MYCBP2: variants seen among roughly 807,000 people sequenced by gnomAD.
MYCBP2 encodes the protein MYC binding protein 2.
In MYCBP2, 120 loss-of-function variants were observed where a neutral mutation model predicts 525.3. The observed-to-expected ratio is 0.23, with a 90% CI of 0.20 to 0.27. The LOEUF (loss-of-function observed/expected upper bound fraction) is 0.27, where lower values mean the gene tolerates loss of function less well. Ranked by LOEUF, MYCBP2 falls within the 10% of genes least tolerant of loss-of-function variation. MYCBP2 has a pLI of 1.00. For synonymous variants in MYCBP2, 1,894 were observed against 1,955.8 expected (o/e 0.97, Z 0.83); for missense variants, 4,149 against 5,657.1 (o/e 0.73, Z 8.55).
chr13:77,211,373 T>A, intron 22 of MYCBP2, 53 bp from the exon 23 acceptor site: 1 of 957,786 alleles, frequency 1.0e-6, no homozygotes, highest in Non-Finnish European at 1.3e-6. Context: ...CCTTTTAAAT[T>A]CTCCAAAACC....
intron 19 of MYCBP2, among the ~76,000 whole-genome samples, chr13:77,224,982 T>C (rs1444311171): frequency 6.6e-6 from 1 of 152,326 alleles, no homozygotes; most frequent in Admixed American, 6.5e-5. Context: ...CATTTTTGTT[T>C]TTATAAAGGT....
chr13:77,046,008 A>C (rs2035490450), intron 82 of MYCBP2, among the ~76,000 whole-genome samples: 1 of 152,192 alleles, frequency 6.6e-6, no homozygotes, highest in Non-Finnish European at 1.5e-5. Flanking sequence ...TGATTCCTGT[A>C]ATTTTTAAAA....
intron 46 of MYCBP2, among the ~76,000 whole-genome samples, chr13:77,154,648 TTGAGGGTTCAAAGATTGGA>T (rs1402112387): frequency 6.6e-6 from 1 of 152,030 alleles, no homozygotes; most frequent in Non-Finnish European, 1.5e-5. Context: ...AAACTTAATC[TTGAGGGTTCAAAGATTGGA>T]TTTAACAACT....
chr13:77,240,487 A>G (rs2068649164), intron 17 of MYCBP2, among the ~76,000 whole-genome samples: 1 of 152,142 alleles, frequency 6.6e-6, no homozygotes, highest in Non-Finnish European at 1.5e-5. Context: ...GGGCACCTGT[A>G]GTCCCAGCTA....
intron 14 of MYCBP2, among the ~76,000 whole-genome samples, chr13:77,255,351 C>G (rs944782398): frequency 7.2e-5 from 11 of 151,828 alleles, no homozygotes; most frequent in African/African-American, 2.7e-4. Context: ...TACTTACCAG[C>G]AGGGTAGGTA....
Position 77,257,801 on chromosome 13 carries a change from A to C in MYCBP2, c.2046T>G (p.Phe682Leu). 6.2e-7 allele frequency: 1 copy of C among 1,609,582 alleles called. No homozygotes were observed. The highest frequency in any genetic ancestry group is 1.1e-5 in the South Asian group (1 of 89,914). Residue 682 changes from phenylalanine (F) to leucine (L), a missense_variant, in exon 14 of 83, where the codon TTT becomes TTG. Physicochemically the swap from Phe to Leu is conservative, Grantham distance 22. This residue lies in a region of MYCBP2 where 262 missense variants were observed against 419.3 expected (regional missense o/e 0.62). Coordinates refer to ENST00000544440, the MANE Select transcript of MYCBP2 (RefSeq NM_015057.5). Reference sequence around the variant, plus strand: ...CTTTGCCCATAGCTACCTGAGTTACAAAATGGCCCTTCAAATCAGTTACCA... The same window carrying C: ...CTTTGCCCATAGCTACCTGAGTTACCAAATGGCCCTTCAAATCAGTTACCA... ...SSLVTDLKGH[F>L]VTQVAMGKAH...
At chr13:77,255,208 T>C (rs1211965740) in intron 14 of MYCBP2, among the ~76,000 whole-genome samples, 1 of 151,988 alleles carries the variant, frequency 6.6e-6, no homozygotes, top group African/African-American at 2.4e-5. Context: ...CCATAGTTGC[T>C]GTACTAATTT....
intron 82 of MYCBP2, among the ~76,000 whole-genome samples, chr13:77,047,619 AGGCACC>A (rs1387638874): frequency 1.3e-5 from 2 of 152,206 alleles, no homozygotes; most frequent in African/African-American, 4.8e-5. Flanking sequence ...GTCAAGCTGC[AGGCACC>A]GATGAGGGAA....
At chr13:77,178,667 G>A (rs2059940235) in intron 34 of MYCBP2, among the ~76,000 whole-genome samples, 1 of 152,134 alleles carries the variant, frequency 6.6e-6, no homozygotes, top group African/African-American at 2.4e-5. Context: ...AATTTTGGGA[G>A]ACTAAATAGA....
At chr13:77,066,151 G>C in intron 71 of MYCBP2, 63 bp from the exon 72 acceptor site, 2 of 1,137,464 alleles carry the variant, frequency 1.8e-6, no homozygotes, top group Non-Finnish European at 2.6e-6. Context: ...AAATGAAAAA[G>C]ATGAAAATGT....
At chr13:77,059,987 A>G (rs763941388) in intron 76 of MYCBP2, among the ~76,000 whole-genome samples, 1 of 152,198 alleles carries the variant, frequency 6.6e-6, no homozygotes, top group Non-Finnish European at 1.5e-5. Context: ...ATAAAAATAC[A>G]CAGAAGTTAG....
In MYCBP2 at chr13:77,211,295, T is replaced by A; in HGVS notation, c.3288A>T (p.Glu1096Asp). Reference sequence around the variant, plus strand: ...TCAGAAGGCATTTAAATGGAGGAGGTTCTGATATAGAAGCAGGTACCAAGC... The same window carrying A: ...TCAGAAGGCATTTAAATGGAGGAGGATCTGATATAGAAGCAGGTACCAAGC... ...IIGLVPASIS[E>D]PPPFKCLLIN... Residue 1096 changes from glutamate (E) to aspartate (D), a missense_variant, in exon 23 of 83, where the codon GAA becomes GAT. Coordinates refer to ENST00000544440, the MANE Select transcript of MYCBP2 (RefSeq NM_015057.5). 6.7e-7 allele frequency: 1 copy of A among 1,489,994 alleles called. No individual in the cohort carries two copies. The highest frequency in any genetic ancestry group is 9.0e-7 in the Non-Finnish European group (1 of 1,114,180). 92.3% of individuals were successfully genotyped at this position (1,489,994 alleles called of 1,614,324 possible). A position where few individuals can be genotyped will look rare whatever the true frequency, so the allele number is the denominator to read the frequency against.
At chr13:77,211,139 T>G (rs771458720) in intron 23 of MYCBP2, 28 bp downstream of exon 23, 8 of 1,400,764 alleles carry the variant, frequency 5.7e-6, no homozygotes, top group East Asian at 5.4e-5. Context: ...CAAAACTTAT[T>G]GACTATTTTA....
In MYCBP2 at chr13:77,242,559, A is replaced by G. The variant is rs556230371; in HGVS notation, c.2629+500T>C. Among the ~76,000 whole-genome samples, 3 of 152,362 alleles carry G rather than the reference A, an allele frequency of 2.0e-5. No individual in the cohort carries two copies. The East Asian group carries it at 5.8e-4, about 29-fold the overall frequency. The stretch of plus-strand genomic sequence containing the variant: ...TAACTAGAATGAGGTTTTTCCAAAA[A>G]AGGACACATGAAAGCATAGTTATGT... On this transcript the variant is annotated intron_variant, in intron 17 of 82. Coordinates refer to ENST00000544440, the MANE Select transcript of MYCBP2 (RefSeq NM_015057.5).
At chr13:77,181,553 A>T (rs2060220718) in intron 33 of MYCBP2, 148 bp downstream of exon 33, 1 of 476,578 alleles carries the variant, frequency 2.1e-6, no homozygotes, top group African/African-American at 2.0e-5. Context: ...TTGTAAATAT[A>T]CTTAAAAATA....
intron 58 of MYCBP2, 86 bp downstream of exon 58, chr13:77,095,272 G>A (rs538376099): frequency 6.7e-7 from 1 of 1,503,268 alleles, no homozygotes; most frequent in Admixed American, 1.8e-5. Context: ...ATAAAGTGTA[G>A]GTCAAATACC....
chr13:77,089,528 C>G (rs1220452048), intron 60 of MYCBP2, among the ~76,000 whole-genome samples: 1 of 152,042 alleles, frequency 6.6e-6, no homozygotes, highest in Non-Finnish European at 1.5e-5. Flanking sequence ...CAAGTGATCT[C>G]TCTGATAATT....
chr13:77,305,535 G>A (rs748886824), intron 1 of MYCBP2, among the ~76,000 whole-genome samples: 3 of 152,108 alleles, frequency 2.0e-5, no homozygotes, highest in Admixed American at 1.3e-4. Flanking sequence ...TGATAGAAAG[G>A]AGAATAGAAA....
chr13:77,201,174 C>T (rs2062491040), intron 26 of MYCBP2, among the ~76,000 whole-genome samples: 1 of 151,042 alleles, frequency 6.6e-6, no homozygotes, highest in African/African-American at 2.4e-5. Flanking sequence ...CGCATATAGG[C>T]TCAAAATAAA....
Sources: allele counts gnomAD v4.1 joint callset (sites outside exome capture counted in the v4.1 genomes callset), GRCh38; gene constraint gnomAD v4.1.1; regional missense constraint gnomAD v4.1.1; transcripts MANE v1.5; gene names NCBI Gene and HGNC (gene_info 2026-07-23, HGNC 2026-07-21).